The following GRM7 variants were observed in gnomAD, a reference collection of about 807,000 sequenced individuals.
The protein encoded by GRM7 is glutamate metabotropic receptor 7, also known as metabotropic glutamate receptor 7.
A neutral mutation model predicts 84.5 loss-of-function variants in GRM7; 35 were observed. The observed-to-expected ratio is 0.41, with a 90% confidence interval of 0.32 to 0.55. The LOEUF (loss-of-function observed/expected upper bound fraction) is 0.55, where lower values mean the gene tolerates loss of function less well. Ranked by LOEUF, GRM7 falls within the 20% of genes least tolerant of loss-of-function variation. GRM7 has a pLI of 0.19. For missense variants in GRM7, 1,003 were observed against 1,194.6 expected, an observed-to-expected ratio of 0.84 and a Z score of 2.36; for synonymous variants, 487 against 455.1, an observed-to-expected ratio of 1.07 and a Z score of -0.89.
chr3:6,867,808 C>A (rs1694986680), intron 1 of GRM7, among the ~76,000 whole-genome samples: 1 of 152,048 alleles, frequency 6.6e-6, no homozygotes, highest in African/African-American at 2.4e-5. Flanking sequence ...AAAATCAAAA[C>A]AATAAAACCT....
At chr3:6,977,073 C>G (rs1260324341) in intron 1 of GRM7, among the ~76,000 whole-genome samples, 1 of 152,162 alleles carries the variant, frequency 6.6e-6, no homozygotes, top group Non-Finnish European at 1.5e-5. Context: ...ATTGATTAAT[C>G]TGTCCAAGCA....
Position 6,965,903 on chromosome 3 carries a change from A to G in GRM7, c.519+103996A>G, listed in dbSNP as rs112439666. On this transcript the variant is annotated intron_variant, in intron 1 of 9. Coordinates refer to ENST00000357716, the MANE Select transcript of GRM7 (RefSeq NM_000844.4). Reference sequence around the variant, plus strand: ...AGTTCAGCAACCTCTCAGCAGTTCCACAAACAAGGCACACTCAAGTTGAGA... The same window carrying G: ...AGTTCAGCAACCTCTCAGCAGTTCCGCAAACAAGGCACACTCAAGTTGAGA... Among the ~76,000 whole-genome samples the G allele has an allele frequency of 8.8e-3, 1,336 of 152,240 alleles. 23 individuals are homozygous for G. Among genetic ancestry groups the G allele is most frequent in the African/African-American group, 0.03 (1,253 of 41,522 alleles).
chr3:7,521,356 G>T (rs1346082938), intron 7 of GRM7, among the ~76,000 whole-genome samples: 1 of 152,178 alleles, frequency 6.6e-6, no homozygotes, highest in Non-Finnish European at 1.5e-5. Flanking sequence ...AATCCCCAAG[G>T]TTATGGTAGT....
chr3:7,199,355 G>A (rs898343983), intron 2 of GRM7, among the ~76,000 whole-genome samples: 2 of 152,184 alleles, frequency 1.3e-5, no homozygotes, highest in African/African-American at 2.4e-5. Context: ...GCTAGTGGAA[G>A]GCAACAGAGT....
chr3:7,230,164 A>G (rs1697148585), intron 2 of GRM7, among the ~76,000 whole-genome samples: 2 of 151,996 alleles, frequency 1.3e-5, no homozygotes, highest in South Asian at 4.1e-4. Context: ...TTGAACTCTT[A>G]TATCAGAAAG....
chr3:7,639,430 T>A (rs186034970), intron 8 of GRM7, among the ~76,000 whole-genome samples: 1 of 152,196 alleles, frequency 6.6e-6, no homozygotes. Context: ...TTGCAAGTAT[T>A]TCCTTTCACA....
chr3:7,285,836 C>A (rs549431912), intron 2 of GRM7, among the ~76,000 whole-genome samples: 2 of 151,968 alleles, frequency 1.3e-5, no homozygotes, highest in African/African-American at 2.4e-5. Flanking sequence ...TGATTTTTTT[C>A]CTTCTAATTT....
intron 7 of GRM7, among the ~76,000 whole-genome samples, chr3:7,547,408 G>A (rs928331162): frequency 2.0e-5 from 3 of 151,816 alleles, no homozygotes; most frequent in Non-Finnish European, 2.9e-5. Context: ...GGGTTTCACT[G>A]TGTTAGCCAG....
chr3:7,212,051 C>T (rs947502576), intron 2 of GRM7, among the ~76,000 whole-genome samples: 12 of 152,056 alleles, frequency 7.9e-5, no homozygotes, highest in African/African-American at 2.7e-4. Flanking sequence ...ACCAAACCAC[C>T]TCCTCAGCCT....
chr3:7,582,214 TG>T (rs1695288968), intron 8 of GRM7, among the ~76,000 whole-genome samples: 1 of 152,178 alleles, frequency 6.6e-6, no homozygotes, highest in Non-Finnish European at 1.5e-5. Context: ...GCTTGCCTTG[TG>T]GTTGTGTCTA....
chr3:7,687,313 T>C (rs942234249), intron 9 of GRM7, among the ~76,000 whole-genome samples: 1 of 152,222 alleles, frequency 6.6e-6, no homozygotes, highest in Non-Finnish European at 1.5e-5. Flanking sequence ...GATGCTTTTA[T>C]ATTGCTTTAG....
intron 1 of GRM7, among the ~76,000 whole-genome samples, chr3:7,068,759 T>A (rs769291172): frequency 5.5e-4 from 84 of 151,956 alleles, no homozygotes; most frequent in Non-Finnish European, 6.8e-4. Flanking sequence ...TATATTTCAT[T>A]CCATAAGGTA....
chr3:7,099,433 T>C (rs1698994774), intron 1 of GRM7, among the ~76,000 whole-genome samples: 4 of 149,320 alleles, frequency 2.7e-5, no homozygotes, highest in Non-Finnish European at 1.5e-5. Context: ...TATATACGTA[T>C]ACATTATACA....
chr3:7,414,432 T>C (rs949524310), intron 4 of GRM7, among the ~76,000 whole-genome samples: 1 of 152,152 alleles, frequency 6.6e-6, no homozygotes, highest in Non-Finnish European at 1.5e-5. Context: ...GAATCCCGTA[T>C]CTTTTTCCAC....
intron 8 of GRM7, among the ~76,000 whole-genome samples, chr3:7,645,177 T>C (rs749813132): frequency 6.6e-6 from 1 of 152,102 alleles, no homozygotes; most frequent in Non-Finnish European, 1.5e-5. Context: ...ATTACTTCCC[T>C]ATACCTCACA....
At chr3:7,434,952 G>A (rs568513454) in intron 5 of GRM7, among the ~76,000 whole-genome samples, 13 of 152,168 alleles carry the variant, frequency 8.5e-5, no homozygotes, top group East Asian at 7.7e-4. Flanking sequence ...GGAGATTTTC[G>A]AATGTATATT....
At chr3:7,305,255 T>G (rs977979103) in intron 3 of GRM7, among the ~76,000 whole-genome samples, 3 of 152,110 alleles carry the variant, frequency 2.0e-5, no homozygotes, top group Non-Finnish European at 4.4e-5. Context: ...TTTTGGTGTT[T>G]TTTTGTTACC....
In GRM7 at chr3:7,064,429, C is replaced by A. The variant is rs1299315023; in HGVS notation, c.520-82023C>A. On this transcript the variant is annotated intron_variant, in intron 1 of 9. Coordinates refer to ENST00000357716, the MANE Select transcript of GRM7 (RefSeq NM_000844.4). ...TGCTGTTAAATCACTCTTTTTATGG[C>A]TGAATAGTATTCCCTCATGTATGGA... is the stretch of plus-strand genomic sequence containing the variant. Among the ~76,000 whole-genome samples, 9 of 136,048 alleles carry A rather than the reference C, an allele frequency of 6.6e-5. 1 individual carries two copies. The highest frequency in any genetic ancestry group is 1.1e-4 in the Non-Finnish European group (7 of 63,834). 89.3% of individuals were successfully genotyped at this position (136,048 alleles called of 152,430 possible). A position where few individuals can be genotyped will look rare whatever the true frequency, so the allele number is the denominator to read the frequency against.
chr3:7,147,340 A>G (rs1467557054), intron 2 of GRM7, among the ~76,000 whole-genome samples: 1 of 152,166 alleles, frequency 6.6e-6, no homozygotes, highest in Non-Finnish European at 1.5e-5. Flanking sequence ...TTACACTTAG[A>G]AATTCTGACA....
Sources: gnomAD v4.1 joint callset for allele counts (sites outside exome capture counted in the v4.1 genomes callset) on GRCh38, gnomAD v4.1.1 for gene constraint, MANE v1.5 for transcripts, NCBI Gene and HGNC (gene_info 2026-07-23, HGNC 2026-07-21) for gene names.